ATXN1: variants seen among roughly 807,000 people sequenced by gnomAD.
ATXN1 encodes ataxin-1.
ATXN1 carries 8 observed loss-of-function variants against 56.4 expected under a neutral mutation model. That is an observed-to-expected ratio of 0.14 (90% CI 0.08 to 0.26). The LOEUF is 0.26. Among genes scored for constraint, ATXN1 ranks in the 10% least tolerant of loss-of-function variants. The pLI is 1.00. For synonymous variants in ATXN1, 514 were observed against 494.6 expected, an observed-to-expected ratio of 1.04 and a Z score of -0.52; for missense variants, 987 against 1,106.5, an observed-to-expected ratio of 0.89 and a Z score of 1.53.
At chr6:16,399,610 C>T (rs3819403) in intron 6 of ATXN1, among the ~76,000 whole-genome samples, 19,028 of 152,178 alleles carry the variant, frequency 0.13, 1,881 homozygotes, top group African/African-American at 0.28. Context: ...ACATAATTCT[C>T]CTTCTAACCC....
intron 2 of ATXN1, among the ~76,000 whole-genome samples, chr6:16,680,394 T>G (rs1396763791): frequency 2.0e-5 from 3 of 152,224 alleles, no homozygotes; most frequent in Non-Finnish European, 4.4e-5. Flanking sequence ...ATCTACAGTG[T>G]GCTGAGTTCC....
At chr6:16,615,459 A>G (rs1447607668) in intron 3 of ATXN1, 4 of 138,764 alleles carry the variant, frequency 2.9e-5, no homozygotes, top group Non-Finnish European at 6.4e-5. Flanking sequence ...CAATTGGTGC[A>G]CTCAGCTCTA....
At chr6:16,422,970 G>T (rs1038675112) in intron 6 of ATXN1, among the ~76,000 whole-genome samples, 7 of 152,184 alleles carry the variant, frequency 4.6e-5, no homozygotes, top group African/African-American at 1.7e-4. Flanking sequence ...AAATAGAATT[G>T]TCATATCTGA....
At chr6:16,470,977 T>C (rs1760205400) in intron 6 of ATXN1, among the ~76,000 whole-genome samples, 1 of 152,114 alleles carries the variant, frequency 6.6e-6, no homozygotes, top group Non-Finnish European at 1.5e-5. Flanking sequence ...CCTAGACTGA[T>C]GTGAGGCATT....
At chr6:16,461,265 C>A (rs942961968) in intron 6 of ATXN1, among the ~76,000 whole-genome samples, 1 of 152,244 alleles carries the variant, frequency 6.6e-6, no homozygotes. Context: ...GCATAGTTTT[C>A]TCCCCTTGGG....
intron 2 of ATXN1, among the ~76,000 whole-genome samples, chr6:16,713,402 G>A (rs75654158): frequency 3.9e-5 from 6 of 152,282 alleles, no homozygotes; most frequent in Non-Finnish European, 7.4e-5. Context: ...CTCTGGGGGC[G>A]TATGTGTGTG....
intron 6 of ATXN1, among the ~76,000 whole-genome samples, chr6:16,340,479 C>A (rs962933001): frequency 2.0e-5 from 3 of 152,222 alleles, no homozygotes; most frequent in African/African-American, 7.2e-5. Flanking sequence ...GTCTGGACCC[C>A]TCTAGACCTC....
chr6:16,458,067 C>T (rs1759915174), intron 6 of ATXN1, among the ~76,000 whole-genome samples: 1 of 152,174 alleles, frequency 6.6e-6, no homozygotes, highest in African/African-American at 2.4e-5. Flanking sequence ...TTAGATCAAA[C>T]CCTGGCCTTT....
chr6:16,485,741 A>G (rs951024546), intron 6 of ATXN1: 3 of 152,232 alleles, frequency 2.0e-5, no homozygotes, highest in Admixed American at 6.5e-5. Context: ...CCTGAAGTAG[A>G]TAGTTTGCAG....
intron 3 of ATXN1, among the ~76,000 whole-genome samples, chr6:16,621,960 TA>T (rs1482825333): frequency 6.6e-6 from 1 of 152,166 alleles, no homozygotes; most frequent in Non-Finnish European, 1.5e-5. Context: ...CCACCATTTT[TA>T]AAAATCTGTA....
intron 6 of ATXN1, among the ~76,000 whole-genome samples, chr6:16,418,337 T>C (rs1758959177): frequency 6.6e-6 from 1 of 152,172 alleles, no homozygotes; most frequent in African/African-American, 2.4e-5. Context: ...TGTACAGAAA[T>C]GGAATCGGTT....
intron 3 of ATXN1, among the ~76,000 whole-genome samples, chr6:16,620,842 C>A (rs1162636736): frequency 6.6e-6 from 1 of 152,164 alleles, no homozygotes; most frequent in East Asian, 1.9e-4. Flanking sequence ...TGGCCAGCAC[C>A]ACATGTGGTC....
chr6:16,550,694 C>G (rs1761904460), intron 4 of ATXN1, among the ~76,000 whole-genome samples: 1 of 152,118 alleles, frequency 6.6e-6, no homozygotes, highest in Non-Finnish European at 1.5e-5. Context: ...AACCACAGAG[C>G]CAAAATACTC....
chr6:16,640,552 G>A lies in ATXN1; in HGVS notation c.-489+17224C>T, dbSNP rs372023790. Among the ~76,000 whole-genome samples, 12 of 152,090 alleles carry A rather than the reference G, an allele frequency of 7.9e-5. No homozygotes were observed. The East Asian group carries it at 1.4e-3, about 17-fold the overall frequency. ...CAAAAAGTTAGCCGGACGTAGTGGC[G>A]GGTGCCTGTAGTCTCAGCTATTCGG... On this transcript the variant is annotated intron_variant, in intron 3 of 7. Transcript: ENST00000436367.
intron 6 of ATXN1, among the ~76,000 whole-genome samples, chr6:16,449,332 A>C (rs1759705638): frequency 6.6e-6 from 1 of 152,150 alleles, no homozygotes. Context: ...GGTGTAATAA[A>C]ATTAAATTAT....
At chr6:16,727,745 T>A (rs1358008913) in intron 2 of ATXN1, among the ~76,000 whole-genome samples, 1 of 152,346 alleles carries the variant, frequency 6.6e-6, no homozygotes, top group East Asian at 1.9e-4. Context: ...TTAGACATAT[T>A]ACTAATATAA....
chr6:16,346,693 G>T (rs1194044168), intron 6 of ATXN1, among the ~76,000 whole-genome samples: 1 of 152,102 alleles, frequency 6.6e-6, no homozygotes, highest in Non-Finnish European at 1.5e-5. Flanking sequence ...ACCCAGGCTG[G>T]AGTGTAGTGA....
At chr6:16,712,638 A>C (rs1759549881) in intron 2 of ATXN1, among the ~76,000 whole-genome samples, 1 of 151,806 alleles carries the variant, frequency 6.6e-6, no homozygotes, top group Non-Finnish European at 1.5e-5. Flanking sequence ...CTCCCTCGAC[A>C]CCTCTGTTAA....
At chr6:16,704,352 G>A (rs376180722) in intron 2 of ATXN1, among the ~76,000 whole-genome samples, 14 of 152,010 alleles carry the variant, frequency 9.2e-5, no homozygotes, top group Admixed American at 3.3e-4. Flanking sequence ...ATTGACTGTC[G>A]GTCTACAGAA....
Sources: gnomAD v4.1 joint callset for allele counts (sites outside exome capture counted in the v4.1 genomes callset) on GRCh38, gnomAD v4.1.1 for gene constraint, MANE v1.5 for transcripts, NCBI Gene and HGNC (gene_info 2026-07-23, HGNC 2026-07-21) for gene names.